Variants in WAC observed in about 807,000 individuals in gnomAD.
WAC encodes WW domain-containing adapter protein with coiled-coil.
In WAC, 11 loss-of-function variants were observed where a neutral mutation model predicts 79.6. That is an observed-to-expected ratio of 0.14 (90% CI 0.09 to 0.23). WAC has a LOEUF of 0.23. Among genes scored for constraint, WAC ranks in the 10% least tolerant of loss-of-function variants. WAC has a pLI of 1.00. For missense variants in WAC, 728 were observed against 773.5 expected, an observed-to-expected ratio of 0.94 and a Z score of 0.70; for synonymous variants, 304 against 276.9, an observed-to-expected ratio of 1.10 and a Z score of -0.97.
chr10:28,600,227 TACTC>T (rs34898939), intron 7 of WAC, among the ~76,000 whole-genome samples: 53,542 of 151,770 alleles, frequency 0.35, 10,181 homozygotes, highest in East Asian at 0.54. Context: ...AATAATCACA[TACTC>T]ACATGCTGGT....
intron 4 of WAC, among the ~76,000 whole-genome samples, chr10:28,585,491 T>G (rs1839771876): frequency 6.6e-6 from 1 of 152,082 alleles, no homozygotes; most frequent in South Asian, 2.1e-4. Flanking sequence ...TCGCTAAGCC[T>G]TCACGCGTGC....
intron 5 of WAC, among the ~76,000 whole-genome samples, chr10:28,590,164 T>C (rs540973404): frequency 1.7e-4 from 26 of 152,122 alleles, no homozygotes; most frequent in African/African-American, 6.0e-4. Context: ...CTACAAAAAG[T>C]TAGCTGTGAG....
In WAC at chr10:28,569,534, G is replaced by A. The variant is rs147365881; in HGVS notation, c.275-13865G>A. Among the ~76,000 whole-genome samples, 931 of 152,236 alleles carry A rather than the reference G, an allele frequency of 6.1e-3. 4 individuals carry two copies. The highest frequency in any genetic ancestry group is 0.014 in the Middle Eastern group (4 of 294). On this transcript the variant is annotated intron_variant, in intron 3 of 13. Coordinates refer to ENST00000354911, the MANE Select transcript of WAC (RefSeq NM_016628.5). ...GAATTCTCTTATTCTATTGTTTGTC[G>A]GCATTTTGCAGTTGATTACTTTTAT...
chr10:28,563,744 C>CTTTTTTTTTTTTTTTTTTTTTTT lies in WAC; in HGVS notation c.275-19648_275-19626dup, dbSNP rs71281550. Reference sequence around the variant, plus strand: ...ACAAGTGCATGCTGCCTACACCCAGCTTTTTTTTTTTTTTTTTTTTTTTTT... The same window carrying CTTTTTTTTTTTTTTTTTTTTTTT: ...ACAAGTGCATGCTGCCTACACCCAGCTTTTTTTTTTTTTTTTTTTTTTTTTTTTTTTTTTTTTTTTTTTTTTTT... On this transcript the variant is annotated intron_variant, in intron 3 of 13. Coordinates refer to ENST00000354911, the MANE Select transcript of WAC (RefSeq NM_016628.5). Among the ~76,000 whole-genome samples, 36 of 67,904 alleles carry CTTTTTTTTTTTTTTTTTTTTTTT rather than the reference C, an allele frequency of 5.3e-4. 5 individuals carry two copies. Among genetic ancestry groups the CTTTTTTTTTTTTTTTTTTTTTTT allele is most frequent in the Non-Finnish European group, 6.7e-4 (26 of 38,896 alleles). 44.5% of individuals were successfully genotyped at this position (67,904 alleles called of 152,430 possible). A position where few individuals can be genotyped will look rare whatever the true frequency, so the allele number is the denominator to read the frequency against.
At chr10:28,559,136 ATGTGTGTGTG>A (rs111740298) in intron 3 of WAC, among the ~76,000 whole-genome samples, 18 of 146,658 alleles carry the variant, frequency 1.2e-4, no homozygotes, top group South Asian at 2.2e-4. Flanking sequence ...GAGAAACCTG[ATGTGTGTGTG>A]TGTGTGTGTG....
At chr10:28,617,951 A>C (rs1450929525) in intron 13 of WAC, 167 bp downstream of exon 13, 1 of 778,158 alleles carries the variant, frequency 1.3e-6, no homozygotes, top group South Asian at 2.5e-5. Flanking sequence ...CGTGAAGGAT[A>C]AAGCCTGTCG....
chr10:28,593,369 G>A (rs1313357728), intron 6 of WAC, among the ~76,000 whole-genome samples: 1 of 152,106 alleles, frequency 6.6e-6, no homozygotes, highest in Non-Finnish European at 1.5e-5. Flanking sequence ...TGGCAGAGGG[G>A]GAAGGATTCA....
intron 8 of WAC, 110 bp from the exon 9 acceptor site, chr10:28,610,589 C>A: frequency 8.6e-7 from 1 of 1,162,660 alleles, no homozygotes; most frequent in Non-Finnish European, 1.2e-6. Flanking sequence ...TTTGAGAGTT[C>A]TAGGTTGAAA....
intron 3 of WAC, among the ~76,000 whole-genome samples, chr10:28,536,329 A>G (rs1308204104): frequency 6.6e-6 from 1 of 151,874 alleles, no homozygotes; most frequent in African/African-American, 2.4e-5. Context: ...TTTCTTAAGG[A>G]TGGGAAAAAT....
intron 3 of WAC, among the ~76,000 whole-genome samples, chr10:28,566,263 G>A (rs187254115): frequency 3.3e-5 from 5 of 152,202 alleles, no homozygotes; most frequent in South Asian, 4.1e-4. Context: ...GTGTGTGCAC[G>A]TGTGTGTGTG....
At chr10:28,565,946 G>A (rs1334450289) in intron 3 of WAC, among the ~76,000 whole-genome samples, 9 of 152,268 alleles carry the variant, frequency 5.9e-5, no homozygotes, top group African/African-American at 2.2e-4. Context: ...ATATTAGAGT[G>A]TGCAGAAAGC....
chr10:28,575,058 T>G (rs78829320), intron 3 of WAC, among the ~76,000 whole-genome samples: 1,862 of 152,342 alleles, frequency 0.012, 63 homozygotes, highest in East Asian at 0.11. Flanking sequence ...TTGTTTATTA[T>G]TAGTATTTTG....
Position 28,619,960 on chromosome 10 carries a change from TAAA to T in WAC, c.*371_*373del, listed in dbSNP as rs35294532. ...AACCTGTCTGCAAAATTAGCTTTTT[TAAA>T]AAAAAAAAAAAAAAAATTGGGGGGG... is the stretch of plus-strand genomic sequence containing the variant. On this transcript the variant is annotated 3_prime_UTR_variant, in exon 14 of 14. Coordinates refer to ENST00000354911, the MANE Select transcript of WAC (RefSeq NM_016628.5). The T allele has an allele frequency of 2.7e-3, 377 of 142,078 alleles. No homozygotes were observed. Among genetic ancestry groups the T allele is most frequent in the South Asian group, 3.9e-3 (17 of 4,380 alleles). The allele number at this position is 142,078 out of a possible 1,614,324, so 8.8% of individuals were successfully genotyped here.
At chr10:28,595,693 T>A (rs1840327817) in intron 6 of WAC, 40 bp from the exon 7 acceptor site, 1 of 1,581,652 alleles carries the variant, frequency 6.3e-7, no homozygotes, top group Non-Finnish European at 8.6e-7. Flanking sequence ...TTCCCCCTTC[T>A]GTCATTCCAA....
chr10:28,610,621 C>A (rs931971253), intron 8 of WAC, 78 bp from the exon 9 acceptor site: 7 of 1,416,062 alleles, frequency 4.9e-6, no homozygotes, highest in Non-Finnish European at 1.9e-6. Context: ...CTTGTGAGTT[C>A]TCTTCCTTGT....
At chr10:28,554,093 C>T (rs2012189) in intron 3 of WAC, among the ~76,000 whole-genome samples, 54,653 of 152,000 alleles carry the variant, frequency 0.36, 10,723 homozygotes, top group East Asian at 0.54. Flanking sequence ...GTCTCGAACT[C>T]CTGACCTCAA....
chr10:28,581,835 T>G (rs1172500188), intron 3 of WAC, among the ~76,000 whole-genome samples: 1 of 152,230 alleles, frequency 6.6e-6, no homozygotes, highest in African/African-American at 2.4e-5. Context: ...GTGTTCAGCT[T>G]ATTTTTGACT....
intron 1 of WAC, 48 bp from the exon 2 acceptor site, chr10:28,533,950 C>T (rs754715301): frequency 1.2e-6 from 2 of 1,601,754 alleles, no homozygotes; most frequent in Non-Finnish European, 8.5e-7. Flanking sequence ...CCCCGGCCCC[C>T]CACCCGCGCC....
intron 3 of WAC, among the ~76,000 whole-genome samples, chr10:28,555,514 C>T: frequency 6.6e-6 from 1 of 151,972 alleles, no homozygotes; most frequent in East Asian, 1.9e-4. Context: ...GAGTGTTGGG[C>T]TCAACTCTGA....
Sources: gnomAD v4.1 joint callset for allele counts (sites outside exome capture counted in the v4.1 genomes callset) on GRCh38, gnomAD v4.1.1 for gene constraint, MANE v1.5 for transcripts, NCBI Gene and HGNC (gene_info 2026-07-23, HGNC 2026-07-21) for gene names.